LRP5: variants seen among roughly 807,000 people sequenced by gnomAD.
LRP5 encodes LDL receptor related protein 5, also known as low-density lipoprotein receptor-related protein 5.
Under a neutral mutation model 154.1 loss-of-function variants are expected in LRP5, and 62 were observed. The observed-to-expected ratio is 0.40, with a 90% CI of 0.33 to 0.50. The LOEUF (loss-of-function observed/expected upper bound fraction) is 0.50, where lower values mean the gene tolerates loss of function less well. LRP5 is among the 20% of genes least tolerant of loss of function. LRP5 has a pLI of 0.55. For missense variants in LRP5, 1,915 were observed against 2,336.7 expected (o/e 0.82, Z 3.72); for synonymous variants, 966 against 1,011.5 (o/e 0.96, Z 0.85).
intron 5 of LRP5, among the ~76,000 whole-genome samples, chr11:68,381,740 C>T (rs996339473): frequency 6.6e-6 from 1 of 152,246 alleles, no homozygotes; most frequent in Non-Finnish European, 1.5e-5. Flanking sequence ...TACCAAGACT[C>T]TGTAGCTGGT....
intron 9 of LRP5, among the ~76,000 whole-genome samples, chr11:68,408,068 T>G (rs1307946873): frequency 6.6e-6 from 1 of 152,060 alleles, no homozygotes; most frequent in Non-Finnish European, 1.5e-5. Context: ...ATTTGTTTTC[T>G]GCTTTTTGTT....
At chr11:68,337,503 T>C (rs184771154) in intron 1 of LRP5, among the ~76,000 whole-genome samples, 1 of 152,240 alleles carries the variant, frequency 6.6e-6, no homozygotes, top group East Asian at 1.9e-4. Context: ...CACCAAGTCA[T>C]GTTTGTTTTT....
chr11:68,341,031 C>CTT (rs901216795), intron 1 of LRP5, among the ~76,000 whole-genome samples: 15 of 135,732 alleles, frequency 1.1e-4, no homozygotes, highest in African/African-American at 4.4e-4. Flanking sequence ...AGACAATAGT[C>CTT]TAGTTACCCC....
At chr11:68,427,391 G>T (rs2098669380) in intron 16 of LRP5, among the ~76,000 whole-genome samples, 1 of 152,058 alleles carries the variant, frequency 6.6e-6, no homozygotes, top group African/African-American at 2.4e-5. Flanking sequence ...CAAACAAAAA[G>T]GGACCAGGCT....
intron 2 of LRP5, among the ~76,000 whole-genome samples, chr11:68,348,485 T>TG (rs35379408): frequency 7.4e-6 from 1 of 135,482 alleles, no homozygotes; most frequent in Non-Finnish European, 1.6e-5. Context: ...AATGAACCCG[T>TG]GGGGGGGTTG....
At chr11:68,321,504 G>T (rs1226265199) in intron 1 of LRP5, among the ~76,000 whole-genome samples, 5 of 152,082 alleles carry the variant, frequency 3.3e-5, no homozygotes, top group African/African-American at 1.2e-4. Flanking sequence ...CGATGAGCTG[G>T]CGGTCTCAGG....
intron 18 of LRP5, among the ~76,000 whole-genome samples, chr11:68,436,345 T>C (rs1591325394): frequency 6.6e-6 from 1 of 150,932 alleles, no homozygotes; most frequent in Admixed American, 6.6e-5. Flanking sequence ...TGGGGAGGGG[T>C]GGAGGCAGCC....
At chr11:68,429,460 G>A (rs532806658) in intron 16 of LRP5, 115 bp from the exon 17 acceptor site, 170 of 1,309,150 alleles carry the variant, frequency 1.3e-4, no homozygotes, top group African/African-American at 3.3e-4. Flanking sequence ...CAGAGAGGCC[G>A]GGCCTGCAGG....
chr11:68,399,627 C>T (rs543129093), intron 7 of LRP5, among the ~76,000 whole-genome samples: 1 of 152,212 alleles, frequency 6.6e-6, no homozygotes, highest in Non-Finnish European at 1.5e-5. Flanking sequence ...TGTTCCCTCC[C>T]AGGAGCCAGG....
At chr11:68,411,839 T>C (rs1362821736) in intron 11 of LRP5, among the ~76,000 whole-genome samples, 2 of 152,218 alleles carry the variant, frequency 1.3e-5, no homozygotes, top group Non-Finnish European at 2.9e-5. Flanking sequence ...GGAGAGGCTC[T>C]GGTGACAGCT....
rs768546268 is a variant in LRP5, at chr11:68,416,421, A to G, written c.2921A>G (p.His974Arg). The change falls in exon 13 of 23, where the codon CAT becomes CGT. Residue 974 changes from histidine to arginine, a missense_variant. This residue lies in a region of LRP5 where 1,094 missense variants were observed against 1,210.1 expected (regional missense o/e 0.90). Transcript: ENST00000294304. ...QHSPDLILPL[H>R]GLRNVKAIDY... ...AGCCCGGATCTCATCCTGCCCCTGC[A>G]TGGACTGAGGAACGTCAAAGCCATC... The G allele has an allele frequency of 1.5e-5, 24 of 1,614,114 alleles. No homozygotes were observed. The South Asian group carries it at 1.8e-4, about 12-fold the overall frequency.
chr11:68,439,563 T>C (rs1284913873), intron 20 of LRP5, among the ~76,000 whole-genome samples: 1 of 152,160 alleles, frequency 6.6e-6, no homozygotes, highest in African/African-American at 2.4e-5. Flanking sequence ...GGAGGTACCA[T>C]GTGTCTCCCG....
At chr11:68,347,327 T>G (rs1283283068) in intron 1 of LRP5, among the ~76,000 whole-genome samples, 1 of 152,242 alleles carries the variant, frequency 6.6e-6, no homozygotes, top group African/African-American at 2.4e-5. Flanking sequence ...GCTTGGACAG[T>G]GGTCAAAGAC....
intron 5 of LRP5, among the ~76,000 whole-genome samples, chr11:68,377,372 C>T (rs1242829374): frequency 1.3e-5 from 2 of 152,034 alleles, no homozygotes. Flanking sequence ...CTGCCAGCTG[C>T]TCCTGGAGGG....
At chr11:68,344,462 G>A (rs1208951817) in intron 1 of LRP5, among the ~76,000 whole-genome samples, 2 of 123,808 alleles carry the variant, frequency 1.6e-5, no homozygotes, top group Non-Finnish European at 3.3e-5. Context: ...GGGGTTACAG[G>A]CGTGAGCCAC....
At chr11:68,398,857 C>T (rs2098651053) in intron 7 of LRP5, among the ~76,000 whole-genome samples, 1 of 152,122 alleles carries the variant, frequency 6.6e-6, no homozygotes, top group Admixed American at 6.5e-5. Flanking sequence ...GTCTCAGCCT[C>T]CTGAGTAGCG....
intron 17 of LRP5, among the ~76,000 whole-genome samples, chr11:68,432,528 A>T (rs948540755): frequency 3.9e-5 from 6 of 152,206 alleles, no homozygotes; most frequent in African/African-American, 1.4e-4. Flanking sequence ...CCCAGTAGTC[A>T]TGGGGAAGGC....
At chr11:68,402,166 A>ATGG (rs2098652945) in intron 7 of LRP5, among the ~76,000 whole-genome samples, 1 of 152,160 alleles carries the variant, frequency 6.6e-6, no homozygotes, top group Non-Finnish European at 1.5e-5. Flanking sequence ...CTTGCCTTTA[A>ATGG]TGGCCTTGTG....
intron 21 of LRP5, chr11:68,445,641 G>A (rs2153184748): frequency 1.5e-6 from 2 of 1,319,128 alleles, no homozygotes; most frequent in Non-Finnish European, 9.9e-7. Flanking sequence ...CACCCTTTGG[G>A]AAGCTGCATG....
Sources: allele counts gnomAD v4.1 joint callset (sites outside exome capture counted in the v4.1 genomes callset), GRCh38; gene constraint gnomAD v4.1.1; regional missense constraint gnomAD v4.1.1; transcripts MANE v1.5; gene names NCBI Gene and HGNC (gene_info 2026-07-23, HGNC 2026-07-21).